SCHIP1: variants seen among roughly 807,000 people sequenced by gnomAD.
SCHIP1 encodes schwannomin-interacting protein 1.
Under a neutral mutation model 29.7 loss-of-function variants are expected in SCHIP1, and 8 were observed. The observed-to-expected ratio is 0.27, with a 90% CI of 0.16 to 0.49. The LOEUF is 0.49. Ranked by LOEUF, SCHIP1 falls within the 20% of genes least tolerant of loss-of-function variation. The probability of loss-of-function intolerance (pLI) is 0.99; values close to 1 mark genes in which losing one functional copy is unlikely to be tolerated. For synonymous variants in SCHIP1, 76 were observed against 94.9 expected, an observed-to-expected ratio of 0.80 and a Z score of 1.16; for missense variants, 193 against 294.6, an observed-to-expected ratio of 0.66 and a Z score of 2.52.
At chr3:159,695,956 C>T in the SCHIP1 span, among the ~76,000 whole-genome samples, 1 of 152,100 alleles carries the variant, frequency 6.6e-6, no homozygotes, top group East Asian at 1.9e-4. Flanking sequence ...CACTTCTGGC[C>T]TGACTTATTG....
At chr3:159,418,717 T>C in the SCHIP1 span, among the ~76,000 whole-genome samples, 1 of 152,242 alleles carries the variant, frequency 6.6e-6, no homozygotes, top group Non-Finnish European at 1.5e-5. Flanking sequence ...GCTCTGACGG[T>C]CTGGCTTGGG....
At chr3:159,577,129 T>TA in the SCHIP1 span, among the ~76,000 whole-genome samples, 1 of 152,210 alleles carries the variant, frequency 6.6e-6, no homozygotes, top group South Asian at 2.1e-4. Flanking sequence ...TTTCAAGTAT[T>TA]AAAAAAAGTC....
chr3:159,874,245 A>G (rs1040814873), intron 2 of SCHIP1, among the ~76,000 whole-genome samples: 3 of 152,218 alleles, frequency 2.0e-5, no homozygotes, highest in African/African-American at 7.2e-5. Flanking sequence ...TAAAGTGTGC[A>G]ATGGGATGAT....
the SCHIP1 span, among the ~76,000 whole-genome samples, chr3:159,805,638 G>A: frequency 5.3e-5 from 8 of 151,992 alleles, no homozygotes; most frequent in African/African-American, 1.9e-4. Flanking sequence ...TTTTGAGGGT[G>A]GGGCCTAAGT....
intron 2 of SCHIP1, among the ~76,000 whole-genome samples, chr3:159,883,721 G>C (rs1490559492): frequency 6.6e-6 from 1 of 152,114 alleles, no homozygotes; most frequent in Admixed American, 6.5e-5. Context: ...ACCACTATAA[G>C]GAATTATGTC....
At chr3:159,822,106 C>CTTTGT in the SCHIP1 span, among the ~76,000 whole-genome samples, 3 of 152,166 alleles carry the variant, frequency 2.0e-5, no homozygotes, top group Non-Finnish European at 4.4e-5. Context: ...CTGTGGGTAA[C>CTTTGT]TGAAATGGCA....
chr3:159,637,195 T>C, the SCHIP1 span, among the ~76,000 whole-genome samples: 2 of 152,280 alleles, frequency 1.3e-5, no homozygotes, highest in East Asian at 3.9e-4. Context: ...TTTGTGTTTC[T>C]CTAATAACAT....
At chr3:159,803,129 G>A in the SCHIP1 span, among the ~76,000 whole-genome samples, 3 of 152,134 alleles carry the variant, frequency 2.0e-5, no homozygotes, top group Admixed American at 6.6e-5. Context: ...AGAGGCTGGA[G>A]AATGTATTCT....
chr3:159,597,405 AC>A, the SCHIP1 span, among the ~76,000 whole-genome samples: 1 of 152,016 alleles, frequency 6.6e-6, no homozygotes, highest in African/African-American at 2.4e-5. Context: ...ATAGGTTTGT[AC>A]CCTTTAACTC....
At chr3:159,491,783 G>C in the SCHIP1 span, among the ~76,000 whole-genome samples, 1 of 152,226 alleles carries the variant, frequency 6.6e-6, no homozygotes. Context: ...CTGGAGATCT[G>C]AGAACAGGCA....
the SCHIP1 span, among the ~76,000 whole-genome samples, chr3:159,393,365 G>A: frequency 3.3e-5 from 5 of 152,002 alleles, no homozygotes; most frequent in Non-Finnish European, 5.9e-5. Flanking sequence ...TGCTTTTGGT[G>A]TTTTAGACAT....
chr3:159,575,344 T>C, the SCHIP1 span, among the ~76,000 whole-genome samples: 7 of 152,324 alleles, frequency 4.6e-5, no homozygotes, highest in Admixed American at 2.6e-4. Flanking sequence ...TATGCTTTTT[T>C]CCCCCACTTC....
chr3:159,300,873 T>C, the SCHIP1 span, among the ~76,000 whole-genome samples: 1 of 152,290 alleles, frequency 6.6e-6, no homozygotes. Flanking sequence ...AATCACCTCC[T>C]CCTTAAAGTT....
At chr3:159,690,959 GA>G in the SCHIP1 span, among the ~76,000 whole-genome samples, 1 of 152,170 alleles carries the variant, frequency 6.6e-6, no homozygotes, top group Non-Finnish European at 1.5e-5. Flanking sequence ...TGGTCTGAGA[GA>G]CTGTTATGAT....
At chr3:159,273,589 C>T in the SCHIP1 span, 97 of 1,280,234 alleles carry the variant, frequency 7.6e-5, no homozygotes, top group Non-Finnish European at 8.7e-5. Flanking sequence ...AAAAAGCTCT[C>T]GCTCTTTTTT....
At chr3:159,508,352 T>C in the SCHIP1 span, among the ~76,000 whole-genome samples, 1 of 152,192 alleles carries the variant, frequency 6.6e-6, no homozygotes, top group East Asian at 1.9e-4. Context: ...TTGATTCTTC[T>C]CTCTTTTCTT....
chr3:159,837,377 T>G (rs1743761422), upstream of SCHIP1, among the ~76,000 whole-genome samples: 1 of 152,240 alleles, frequency 6.6e-6, no homozygotes, highest in African/African-American at 2.4e-5. Context: ...TCTGCTACCT[T>G]GCAAAGTGAA....
chr3:159,366,257 C>T, the SCHIP1 span, among the ~76,000 whole-genome samples: 2 of 152,126 alleles, frequency 1.3e-5, no homozygotes, highest in African/African-American at 2.4e-5. Context: ...AGCTCACTTA[C>T]CACCAAGACG....
chr3:159,547,458 CT>C, the SCHIP1 span, among the ~76,000 whole-genome samples: 1 of 152,114 alleles, frequency 6.6e-6, no homozygotes. Context: ...GTTGTACTTG[CT>C]TTTGGTGTTT....
Sources: allele counts gnomAD v4.1 joint callset (sites outside exome capture counted in the v4.1 genomes callset), GRCh38; gene constraint gnomAD v4.1.1; transcripts MANE v1.5; gene names NCBI Gene and HGNC (gene_info 2026-07-23, HGNC 2026-07-21).